ZNF536: variants seen among roughly 807,000 people sequenced by gnomAD.
ZNF536 encodes the protein zinc finger protein 536.
In ZNF536, 13 loss-of-function variants were observed where a neutral mutation model predicts 84.5. The observed-to-expected ratio is 0.15, with a 90% CI of 0.10 to 0.24. The LOEUF (loss-of-function observed/expected upper bound fraction) is 0.24, where lower values mean the gene tolerates loss of function less well. ZNF536 is among the 10% of genes least tolerant of loss of function. The pLI, the probability that ZNF536 is intolerant of heterozygous loss-of-function variation, is 1.00. For missense variants in ZNF536, 1,536 were observed against 1,747.5 expected (o/e 0.88, Z 2.16); for synonymous variants, 811 against 742.5 (o/e 1.09, Z -1.50).
At chr19:30,240,537 G>A (rs111820696) in intron 1 of ZNF536, among the ~76,000 whole-genome samples, 5 of 152,338 alleles carry the variant, frequency 3.3e-5, no homozygotes, top group African/African-American at 1.2e-4. Context: ...CTGCCTGGGA[G>A]GAGGCCCAGG....
At position 30,512,055 on chromosome 19, in the gene ZNF536, C is replaced by T. The variant is rs543116599; in HGVS notation, c.2171-22792C>T. Among the ~76,000 whole-genome samples, 4 of 152,254 alleles carry T rather than the reference C, an allele frequency of 2.6e-5. No individual in the cohort carries two copies. In the South Asian group the frequency reaches 8.3e-4, roughly 32 times the overall value. On this transcript the variant is annotated intron_variant, in intron 2 of 4. Coordinates refer to ENST00000355537, the MANE Select transcript of ZNF536 (RefSeq NM_014717.3). ...TTTGTCTGCAAAGCATATGGCAAAG[C>T]TTTTATGGATATACAGACTTTTATT...
chr19:30,331,529 G>A (rs1040029449), intron 2 of ZNF536, among the ~76,000 whole-genome samples: 2 of 152,032 alleles, frequency 1.3e-5, no homozygotes, highest in Non-Finnish European at 2.9e-5. Flanking sequence ...TGTTCACTCC[G>A]AGTTTCTGCA....
upstream of ZNF536, among the ~76,000 whole-genome samples, chr19:30,369,370 A>G (rs1355630720): frequency 6.6e-6 from 1 of 152,248 alleles, no homozygotes; most frequent in Non-Finnish European, 1.5e-5. Context: ...TCTTATTTAT[A>G]AATGTAACAC....
At chr19:30,275,439 G>A (rs1325384070) in intron 1 of ZNF536, among the ~76,000 whole-genome samples, 3 of 152,192 alleles carry the variant, frequency 2.0e-5, no homozygotes, top group African/African-American at 4.8e-5. Flanking sequence ...CGGCCATGGG[G>A]GCCACTGGCT....
intron 1 of ZNF536, among the ~76,000 whole-genome samples, chr19:30,432,117 A>C (rs2051500260): frequency 6.6e-6 from 1 of 151,884 alleles, no homozygotes; most frequent in South Asian, 2.1e-4. Flanking sequence ...TCAGATAAAA[A>C]TCCATTACAG....
At chr19:30,359,322 T>C (rs2048196624) in intron 3 of ZNF536, among the ~76,000 whole-genome samples, 1 of 152,180 alleles carries the variant, frequency 6.6e-6, no homozygotes, top group South Asian at 2.1e-4. Flanking sequence ...AGTGCGGCCC[T>C]GAGCTGCCCC....
At chr19:30,671,823 G>T (rs2050567922) in intron 1 of ZNF536, among the ~76,000 whole-genome samples, 1 of 152,212 alleles carries the variant, frequency 6.6e-6, no homozygotes, top group Non-Finnish European at 1.5e-5. Context: ...ACCCTGGGAG[G>T]CTGCCAAGAT....
At chr19:30,383,835 T>TTCCTTCC (rs2049169698) in intron 1 of ZNF536, among the ~76,000 whole-genome samples, 3 of 95,440 alleles carry the variant, frequency 3.1e-5, no homozygotes, top group African/African-American at 1.5e-4. Flanking sequence ...TTTCTCCTTC[T>TTCCTTCC]TTCCTTCCTT....
At chr19:30,520,241 C>T (rs1392391719) in intron 2 of ZNF536, among the ~76,000 whole-genome samples, 1 of 152,096 alleles carries the variant, frequency 6.6e-6, no homozygotes, top group Non-Finnish European at 1.5e-5. Flanking sequence ...GTTCCTGAAG[C>T]TCTTAAATTC....
At chr19:30,643,729 T>A (rs1600128689) in intron 1 of ZNF536, among the ~76,000 whole-genome samples, 1 of 152,136 alleles carries the variant, frequency 6.6e-6, no homozygotes, top group Admixed American at 6.5e-5. Flanking sequence ...GTACATTGTA[T>A]GTTCACTTAG....
At chr19:30,434,344 A>G (rs913682855) in intron 1 of ZNF536, among the ~76,000 whole-genome samples, 2 of 152,108 alleles carry the variant, frequency 1.3e-5, no homozygotes, top group African/African-American at 2.4e-5. Context: ...GCCCCACTTG[A>G]TTTCACTGCC....
rs534520354 is a variant in ZNF536, at chr19:30,628,933, C to T, written c.169+79419C>T. On this transcript the variant is annotated intron_variant, in intron 1 of 1. Coordinates refer to the ZNF536 transcript ENST00000592773. ...TAGGCCAGGCTGGTCTTGAACTCCTCACCTTGTGATCTACCTGCCTTGGCC... is the reference window on the plus strand; with the variant it reads ...TAGGCCAGGCTGGTCTTGAACTCCTTACCTTGTGATCTACCTGCCTTGGCC... 7.9e-5 allele frequency among the ~76,000 whole-genome samples: 12 copies of T among 152,260 alleles called. No individual in the cohort carries two copies. In the East Asian group the frequency reaches 2.3e-3, roughly 30 times the overall value.
At chr19:30,647,218 T>C (rs949336795) in intron 1 of ZNF536, among the ~76,000 whole-genome samples, 2 of 152,240 alleles carry the variant, frequency 1.3e-5, no homozygotes, top group Non-Finnish European at 2.9e-5. Context: ...CCCTATTTTG[T>C]CCCTGATTAG....
chr19:30,664,663 T>A (rs1600196250), intron 1 of ZNF536, among the ~76,000 whole-genome samples: 1 of 152,114 alleles, frequency 6.6e-6, no homozygotes, highest in East Asian at 1.9e-4. Context: ...TTTATGCGAT[T>A]GTTTTTGTTT....
chr19:30,377,159 C>T (rs1240277939), intron 1 of ZNF536, among the ~76,000 whole-genome samples: 2 of 152,092 alleles, frequency 1.3e-5, no homozygotes, highest in African/African-American at 4.8e-5. Context: ...CAGACTTGCC[C>T]ACTAGACTGA....
intron 2 of ZNF536, among the ~76,000 whole-genome samples, chr19:30,299,008 G>A (rs80268157): frequency 1.1e-5 from 1 of 91,066 alleles, no homozygotes; most frequent in African/African-American, 5.9e-5. Context: ...CCCTGCCAAA[G>A]GGGGGGCCTG....
At chr19:30,433,601 G>C (rs1192786134) in intron 1 of ZNF536, among the ~76,000 whole-genome samples, 2 of 152,160 alleles carry the variant, frequency 1.3e-5, no homozygotes, top group East Asian at 3.9e-4. Flanking sequence ...AGGTTCAAGC[G>C]ATTCTCCTGC....
chr19:30,405,274 G>T (rs2050217750), intron 1 of ZNF536, among the ~76,000 whole-genome samples: 1 of 152,230 alleles, frequency 6.6e-6, no homozygotes, highest in African/African-American at 2.4e-5. Flanking sequence ...TGGGGCAGGT[G>T]AAAGGAGGTC....
In ZNF536 at chr19:30,412,908, A is replaced by C. The variant is rs1261392895; in HGVS notation, c.-2-30653A>C. 2.0e-5 allele frequency among the ~76,000 whole-genome samples: 3 copies of C among 151,962 alleles called. No individual in the cohort carries two copies. In the East Asian group the frequency reaches 5.8e-4, roughly 29 times the overall value. On this transcript the variant is annotated intron_variant, in intron 1 of 4. Coordinates refer to ENST00000355537, the MANE Select transcript of ZNF536 (RefSeq NM_014717.3). ...TGTTCGTTATCCTTAAATTTCTTCT[A>C]TAGTTATTCTTTTATTCAAGTATGT...
Sources: gnomAD v4.1 joint callset for allele counts (sites outside exome capture counted in the v4.1 genomes callset) on GRCh38, gnomAD v4.1.1 for gene constraint, MANE v1.5 for transcripts, NCBI Gene and HGNC (gene_info 2026-07-23, HGNC 2026-07-21) for gene names.